The following KIR3DL2 variants were observed in gnomAD, a reference collection of about 807,000 sequenced individuals.
KIR3DL2 encodes the protein killer cell immunoglobulin like receptor, three Ig domains and long cytoplasmic tail 2.
KIR3DL2 carries 42 observed loss-of-function variants against 41.6 expected under a neutral mutation model. The observed-to-expected ratio is 1.01, with a 90% CI of 0.79 to 1.31. The LOEUF is 1.31. Ranked by LOEUF, KIR3DL2 falls within the 50% of genes most tolerant of loss-of-function variation. The pLI is 0.00. For synonymous variants in KIR3DL2, 230 were observed against 221.3 expected, an observed-to-expected ratio of 1.04 and a Z score of -0.35; for missense variants, 728 against 576.8, an observed-to-expected ratio of 1.26 and a Z score of -2.68.
Position 54,855,714 on chromosome 19 carries a change from G to A in KIR3DL2, c.751G>A (p.Asp251Asn), listed in dbSNP as rs2064699471. Residue 251 changes from aspartate (D) to asparagine (N), a missense_variant, in exon 5 of 9, where the codon GAC (aspartate) becomes AAC (asparagine). Physicochemically the swap from Asp to Asn is conservative, Grantham distance 23. Coordinates refer to ENST00000326321, the MANE Select transcript of KIR3DL2 (RefSeq NM_006737.4). Reference sequence around the variant, plus strand: ...GTCCTGTAGCTCCTGGAGCTCCTATGACATCTACCATCTGTCCAGGGAAGG... The same window carrying A: ...GTCCTGTAGCTCCTGGAGCTCCTATAACATCTACCATCTGTCCAGGGAAGG... Reference protein sequence around the residue: ...TLSCSSWSSYDIYHLSREGEA... With the variant: ...TLSCSSWSSYNIYHLSREGEA... 5.0e-6 allele frequency: 8 copies of A among 1,613,394 alleles called. No individual in the cohort carries two copies. The highest frequency in any genetic ancestry group is 4.4e-5 in the South Asian group (4 of 91,086).
intron 6 of KIR3DL2, among the ~76,000 whole-genome samples, chr19:54,859,481 G>A (rs2145669108): frequency 6.6e-6 from 1 of 152,002 alleles, no homozygotes; most frequent in East Asian, 1.9e-4. Flanking sequence ...TGATGAGGGT[G>A]GGTGTTTTAG....
intron 2 of KIR3DL2, 104 bp downstream of exon 2, chr19:54,851,359 G>A (rs2064217819): frequency 6.2e-6 from 8 of 1,284,310 alleles, no homozygotes; most frequent in Non-Finnish European, 8.8e-6. Context: ...ACTAGGAAGA[G>A]GGGACCCTTG....
At chr19:54,853,336 G>T (rs2064450936) in intron 3 of KIR3DL2, among the ~76,000 whole-genome samples, 1 of 151,784 alleles carries the variant, frequency 6.6e-6, no homozygotes, top group Non-Finnish European at 1.5e-5. Context: ...CAGGGTGTGT[G>T]GACACTGATG....
rs73618364 is a variant in KIR3DL2 at position 54,862,128 on chromosome 19, C to T, written c.1000+2999C>T. Among the ~76,000 whole-genome samples the T allele has an allele frequency of 1.6e-3, 241 of 152,224 alleles. 3 individuals carry two copies. Among genetic ancestry groups the T allele is most frequent in the African/African-American group, 5.4e-3 (225 of 41,550 alleles). ...GTGGAGGGGGTGGTCTTTCCCCCAG[C>T]CTCTCAGGTGGAACAGCAGCCTAAC... On this transcript the variant is annotated intron_variant, in intron 6 of 8. Coordinates refer to ENST00000326321, the MANE Select transcript of KIR3DL2 (RefSeq NM_006737.4).
At chr19:54,864,642 G>T (rs968844963) in intron 6 of KIR3DL2, among the ~76,000 whole-genome samples, 59 of 152,014 alleles carry the variant, frequency 3.9e-4, no homozygotes, top group Admixed American at 3.4e-3. Flanking sequence ...GTTCACTCAT[G>T]ATTTGGCTCT....
chr19:54,866,043 A>T, intron 7 of KIR3DL2, 134 bp downstream of exon 7: 1 of 855,710 alleles, frequency 1.2e-6, no homozygotes, highest in East Asian at 2.6e-5. Flanking sequence ...AGGGCTTTCT[A>T]GAGAGAGCAC....
chr19:54,866,576 G>T lies in KIR3DL2; in HGVS notation c.1213G>T (p.Val405Phe). ...EVTYAQLDHC[V>F]FIQRKISRPS... ...GACGTACGCACAGTTGGATCACTGC[G>T]TTTTCATACAGAGAAAAATCAGTCG... is the stretch of plus-strand genomic sequence containing the variant. The change falls in exon 9 of 9, where the codon GTT becomes TTT. Residue 405 changes from valine to phenylalanine, a missense_variant. Transcript: ENST00000326321. 1 of 1,614,008 alleles carries T rather than the reference G, an allele frequency of 6.2e-7. No individual in the cohort carries two copies. The highest frequency in any genetic ancestry group is 8.5e-7 in the Non-Finnish European group (1 of 1,179,980).
intron 6 of KIR3DL2, among the ~76,000 whole-genome samples, chr19:54,860,199 C>T (rs2065074574): frequency 6.6e-6 from 1 of 151,982 alleles, no homozygotes; most frequent in African/African-American, 2.4e-5. Flanking sequence ...TGGGGTGGGA[C>T]AACATTCTCC....
chr19:54,862,470 T>C (rs2065242689), intron 6 of KIR3DL2, among the ~76,000 whole-genome samples: 2 of 151,990 alleles, frequency 1.3e-5, no homozygotes, highest in African/African-American at 4.8e-5. Context: ...ATACGTTACA[T>C]AGGCAGGTTC....
chr19:54,851,200 A>C lies in KIR3DL2; in HGVS notation c.35-20A>C. The C allele has an allele frequency of 6.2e-7, 1 of 1,609,560 alleles. No individual in the cohort carries two copies. The highest frequency in any genetic ancestry group is 8.5e-7 in the Non-Finnish European group (1 of 1,177,990). On this transcript the variant is annotated intron_variant, in intron 1 of 8. Transcript: ENST00000326321. ...TGGTTTGCCTGCAGTTGGATCGTCT[A>C]TCATGATCTTTCTTTCCAGGGTTCT...
chr19:54,859,069 C>G lies in KIR3DL2; in HGVS notation c.950-10C>G. ...TCATTTCCTCACATCTCTCCTGTCCCGTGTTCTAGGAAACCCTTCAAGTAG... is the reference window on the plus strand; with the variant it reads ...TCATTTCCTCACATCTCTCCTGTCCGGTGTTCTAGGAAACCCTTCAAGTAG... On this transcript the variant is annotated splice_polypyrimidine_tract_variant and intron_variant, in intron 5 of 8. Coordinates refer to ENST00000326321, the MANE Select transcript of KIR3DL2 (RefSeq NM_006737.4). 7 of 1,613,658 alleles carry G rather than the reference C, an allele frequency of 4.3e-6. No homozygotes were observed. Among genetic ancestry groups the G allele is most frequent in the Non-Finnish European group, 5.9e-6 (7 of 1,179,726 alleles).
intron 6 of KIR3DL2, among the ~76,000 whole-genome samples, chr19:54,859,383 C>A (rs2065014236): frequency 6.6e-6 from 1 of 152,106 alleles, no homozygotes; most frequent in Admixed American, 6.5e-5. Flanking sequence ...ACATCCTTCT[C>A]AGGAAAAATG....
intron 6 of KIR3DL2, among the ~76,000 whole-genome samples, chr19:54,861,147 A>G (rs1312758890): frequency 4.0e-5 from 6 of 151,474 alleles, no homozygotes; most frequent in East Asian, 1.9e-4. Context: ...TTTAGACACT[A>G]AATGAATGAA....
chr19:54,862,103 G>A (rs1455445070), intron 6 of KIR3DL2, among the ~76,000 whole-genome samples: 5 of 152,098 alleles, frequency 3.3e-5, no homozygotes, highest in Non-Finnish European at 7.4e-5. Flanking sequence ...GCAATAGATG[G>A]TGGAGGGGGT....
rs1231553353 is a variant in KIR3DL2, at chr19:54,866,709, C to T, written c.1346C>T (p.Ser449Leu). 6.2e-7 allele frequency: 1 copy of T among 1,613,978 alleles called. No individual in the cohort carries two copies. Among genetic ancestry groups the T allele is most frequent in the East Asian group, 2.2e-5 (1 of 44,870 alleles). ...KVVSCPRAPQ[S>L]GLEGVF ...GTCTCCTGCCCACGAGCACCACAGTCAGGTCTTGAGGGGGTTTTCTAGGGA... is the reference window on the plus strand; with the variant it reads ...GTCTCCTGCCCACGAGCACCACAGTTAGGTCTTGAGGGGGTTTTCTAGGGA... Residue 449 changes from serine (S) to leucine (L), a missense_variant, in exon 9 of 9, where the codon TCA (serine) becomes TTA (leucine). By Grantham distance (145) the Ser-to-Leu change is moderately radical. Transcript: ENST00000326321.
chr19:54,850,693 T>C (rs1216269747), intron 1 of KIR3DL2, among the ~76,000 whole-genome samples, 184 bp downstream of exon 1: 5 of 114,512 alleles, frequency 4.4e-5, no homozygotes, highest in Admixed American at 9.5e-5. Context: ...AGGGGAGATA[T>C]GGGCCTGGGT....
intron 3 of KIR3DL2, among the ~76,000 whole-genome samples, chr19:54,853,287 A>G (rs2064445671): frequency 6.6e-6 from 1 of 151,688 alleles, no homozygotes; most frequent in Non-Finnish European, 1.5e-5. Flanking sequence ...TGGAGAAGGC[A>G]CAGACATGGC....
At position 54,866,438 on chromosome 19, in the gene KIR3DL2, C is replaced by T. The variant is rs779145568; in HGVS notation, c.1158+16C>T. ...GAATAGGCAGGTAGGTCCTCCTCGG[C>T]CCAGCCTCACGGATACAGTCTTATC... is the stretch of plus-strand genomic sequence containing the variant. On this transcript the variant is annotated intron_variant, in intron 8 of 8. Coordinates refer to ENST00000326321, the MANE Select transcript of KIR3DL2 (RefSeq NM_006737.4). 6.2e-7 allele frequency: 1 copy of T among 1,614,014 alleles called. No individual in the cohort carries two copies. Among genetic ancestry groups the T allele is most frequent in the East Asian group, 2.2e-5 (1 of 44,886 alleles).
intron 4 of KIR3DL2, among the ~76,000 whole-genome samples, chr19:54,854,926 T>C (rs1250751780): frequency 6.6e-6 from 1 of 150,800 alleles, no homozygotes; most frequent in Non-Finnish European, 1.5e-5. Context: ...GACAAGGAGA[T>C]GGAGAGAGAC....
Sources: allele counts gnomAD v4.1 joint callset (sites outside exome capture counted in the v4.1 genomes callset), GRCh38; gene constraint gnomAD v4.1.1; transcripts MANE v1.5; gene names NCBI Gene and HGNC (gene_info 2026-07-23, HGNC 2026-07-21).